Variants in DRD2 observed in about 807,000 individuals in gnomAD.
DRD2 encodes the protein dopamine receptor D2.
In DRD2, 8 loss-of-function variants were observed where a neutral mutation model predicts 38.0. That is an observed-to-expected ratio of 0.21 (90% CI 0.12 to 0.38). The LOEUF is 0.38. Ranked by LOEUF, DRD2 falls within the 10% of genes least tolerant of loss-of-function variation. The pLI, the probability that DRD2 is intolerant of heterozygous loss-of-function variation, is 1.00. For synonymous variants in DRD2, 230 were observed against 238.6 expected, an observed-to-expected ratio of 0.96 and a Z score of 0.33; for missense variants, 403 against 607.7, an observed-to-expected ratio of 0.66 and a Z score of 3.54.
intron 1 of DRD2, among the ~76,000 whole-genome samples, chr11:113,471,115 T>C (rs865833662): frequency 6.6e-6 from 1 of 152,236 alleles, no homozygotes; most frequent in South Asian, 2.1e-4. Context: ...TATAGTTTTA[T>C]TACTCCTCCA....
At chr11:113,422,488 G>A (rs1487691625) in intron 2 of DRD2, among the ~76,000 whole-genome samples, 1 of 152,192 alleles carries the variant, frequency 6.6e-6, no homozygotes, top group Non-Finnish European at 1.5e-5. Flanking sequence ...TTGGAAGAGG[G>A]AAGAAGGAGG....
chr11:113,413,719 T>C, intron 6 of DRD2: 1 of 221,130 alleles, frequency 4.5e-6, no homozygotes, highest in South Asian at 7.3e-5. Flanking sequence ...GGCCCTGTTC[T>C]CCATCCCTCT....
chr11:113,417,106 C>T, intron 3 of DRD2, 107 bp from the exon 4 acceptor site: 2 of 1,471,284 alleles, frequency 1.4e-6, no homozygotes, highest in Non-Finnish European at 9.1e-7. Context: ...AAACAGTTGA[C>T]ACACCTCTAT....
intron 1 of DRD2, among the ~76,000 whole-genome samples, chr11:113,471,316 G>T (rs1184233576): frequency 6.6e-6 from 1 of 152,180 alleles, no homozygotes; most frequent in Non-Finnish European, 1.5e-5. Context: ...CACCATTAGA[G>T]TAATTTAAAA....
intron 4 of DRD2, 117 bp from the exon 5 acceptor site, chr11:113,415,728 G>T: frequency 8.8e-7 from 1 of 1,130,654 alleles, no homozygotes; most frequent in Non-Finnish European, 1.3e-6. Context: ...GAATATGAAC[G>T]CAACTAGATG....
intron 1 of DRD2, among the ~76,000 whole-genome samples, chr11:113,434,162 G>A (rs1055623614): frequency 4.6e-5 from 7 of 152,216 alleles, no homozygotes; most frequent in African/African-American, 1.7e-4. Flanking sequence ...GCTCCTCGGT[G>A]ACACCCAGCA....
chr11:113,448,689 C>T (rs1356007739), intron 1 of DRD2, among the ~76,000 whole-genome samples: 1 of 152,216 alleles, frequency 6.6e-6, no homozygotes, highest in African/African-American at 2.4e-5. Flanking sequence ...TCCTCAAGCT[C>T]ATTGTCACTT....
Position 113,464,135 on chromosome 11 carries a change from C to CTGTT in DRD2, c.-32+10937_-32+10940dup, listed in dbSNP as rs538007533. Among the ~76,000 whole-genome samples the CTGTT allele has an allele frequency of 5.9e-5, 9 of 152,320 alleles. No individual in the cohort carries two copies. In the South Asian group the frequency reaches 1.4e-3, roughly 25 times the overall value. On this transcript the variant is annotated intron_variant, in intron 1 of 7. Transcript: ENST00000362072. ...TTGCCACCCTGTCTTCACCTTTCTT[C>CTGTT]TGTTTTTCTTCCATTCTCTGTAGCT... is the stretch of plus-strand genomic sequence containing the variant.
intron 1 of DRD2, among the ~76,000 whole-genome samples, chr11:113,454,537 G>A (rs1470660523): frequency 6.6e-6 from 1 of 152,104 alleles, no homozygotes; most frequent in Non-Finnish European, 1.5e-5. Context: ...GTCCCAGTGG[G>A]CTTGATCAGG....
rs186710316 is a variant in DRD2, at chr11:113,459,418, A to G, written c.-32+15658T>C. Among the ~76,000 whole-genome samples, 8 of 152,376 alleles carry G rather than the reference A, an allele frequency of 5.3e-5. No individual in the cohort carries two copies. In the East Asian group the frequency reaches 1.5e-3, roughly 29 times the overall value. On this transcript the variant is annotated intron_variant, in intron 1 of 7. Transcript: ENST00000362072. Reference sequence around the variant, plus strand: ...AAGGGACTTCATCCAATCCAATACCATCATTTTAGAATAAAAAATCAGAGG... The same window carrying G: ...AAGGGACTTCATCCAATCCAATACCGTCATTTTAGAATAAAAAATCAGAGG...
At chr11:113,416,800 G>T in intron 4 of DRD2, 63 bp downstream of exon 4, 1 of 1,591,984 alleles carries the variant, frequency 6.3e-7, no homozygotes, top group Non-Finnish European at 8.6e-7. Context: ...CTCCCTCAGG[G>T]CCCTTCGAGG....
Position 113,415,459 on chromosome 11 carries a change from T to A in DRD2, c.685A>T (p.Ser229Cys), listed in dbSNP as rs1950816288. Residue 229 changes from serine to cysteine, a missense_variant, in exon 5 of 8, where the codon AGC (serine) becomes TGC (cysteine). Physicochemically the swap from Ser to Cys is moderately radical, Grantham distance 112. Coordinates refer to ENST00000362072, the MANE Select transcript of DRD2 (RefSeq NM_000795.4). ...CTCAGGTGGGCCCTGAAAGCTCGGCTGCTGCGTTTGGTGTTGACTCGCTTG... is the reference window on the plus strand; with the variant it reads ...CTCAGGTGGGCCCTGAAAGCTCGGCAGCTGCGTTTGGTGTTGACTCGCTTG... ...RRKRVNTKRS[S>C]RAFRAHLRAP... 6.2e-7 allele frequency: 1 copy of A among 1,613,980 alleles called. No homozygotes were observed. The highest frequency in any genetic ancestry group is 8.5e-7 in the Non-Finnish European group (1 of 1,179,960).
intron 1 of DRD2, among the ~76,000 whole-genome samples, chr11:113,462,000 T>C (rs1338483535): frequency 6.6e-6 from 1 of 152,050 alleles, no homozygotes; most frequent in African/African-American, 2.4e-5. Context: ...CCTCTCTTCC[T>C]CCAAACTCCC....
chr11:113,449,162 T>A (rs1951185330), intron 1 of DRD2, among the ~76,000 whole-genome samples: 1 of 152,128 alleles, frequency 6.6e-6, no homozygotes, highest in South Asian at 2.1e-4. Flanking sequence ...CTCATCCTCC[T>A]TTGAATGCTG....
chr11:113,431,530 C>T (rs1324618694), intron 1 of DRD2, among the ~76,000 whole-genome samples: 2 of 152,226 alleles, frequency 1.3e-5, no homozygotes, highest in Non-Finnish European at 2.9e-5. Flanking sequence ...TTTGCTCTGC[C>T]CTAGCTCAGA....
chr11:113,431,066 T>C (rs766481078), intron 1 of DRD2, among the ~76,000 whole-genome samples: 1 of 152,198 alleles, frequency 6.6e-6, no homozygotes, highest in African/African-American at 2.4e-5. Context: ...AAATGTCATC[T>C]CCATCTTTCT....
intron 1 of DRD2, among the ~76,000 whole-genome samples, chr11:113,447,170 G>T (rs1241474680): frequency 6.6e-6 from 1 of 152,158 alleles, no homozygotes; most frequent in Non-Finnish European, 1.5e-5. Flanking sequence ...CCTCCCCGGG[G>T]CCTGGGGTAA....
At chr11:113,419,712 G>A (rs1343826599) in intron 2 of DRD2, among the ~76,000 whole-genome samples, 1 of 152,202 alleles carries the variant, frequency 6.6e-6, no homozygotes, top group Non-Finnish European at 1.5e-5. Flanking sequence ...CAGACTTCGT[G>A]TCACCGTGTA....
chr11:113,454,951 C>T (rs755616752), intron 1 of DRD2, among the ~76,000 whole-genome samples: 41 of 152,262 alleles, frequency 2.7e-4, no homozygotes, highest in Admixed American at 1.3e-3. Flanking sequence ...TGAAATTGTA[C>T]GCTTGTCTCA....
Sources: allele counts gnomAD v4.1 joint callset (sites outside exome capture counted in the v4.1 genomes callset), GRCh38; gene constraint gnomAD v4.1.1; transcripts MANE v1.5; gene names NCBI Gene and HGNC (gene_info 2026-07-23, HGNC 2026-07-21).